SLIT1: variants seen among roughly 807,000 people sequenced by gnomAD.
SLIT1 encodes slit guidance ligand 1, also known as slit homolog 1 protein.
In SLIT1, 66 loss-of-function variants were observed where a neutral mutation model predicts 186.1. That is an observed-to-expected ratio of 0.35 (90% confidence interval 0.29 to 0.44). The LOEUF is 0.44. Ranked by LOEUF, SLIT1 falls within the 20% of genes least tolerant of loss-of-function variation. The pLI, the probability that SLIT1 is intolerant of heterozygous loss-of-function variation, is 1.00. For missense variants in SLIT1, 1,638 were observed against 2,037.4 expected, an observed-to-expected ratio of 0.80 and a Z score of 3.77; for synonymous variants, 761 against 833.8, an observed-to-expected ratio of 0.91 and a Z score of 1.50.
chr10:97,017,864 T>C (rs1458391089), intron 28 of SLIT1, among the ~76,000 whole-genome samples: 1 of 151,216 alleles, frequency 6.6e-6, no homozygotes, highest in East Asian at 1.9e-4. Flanking sequence ...TTTTTTTTTT[T>C]TGAGACAGAG....
chr10:97,019,026 T>A lies in SLIT1; in HGVS notation c.2828A>T (p.Asp943Val). 1 of 1,613,506 alleles carries A rather than the reference T, an allele frequency of 6.2e-7. No homozygotes were observed. Among genetic ancestry groups the A allele is most frequent in the Non-Finnish European group, 8.5e-7 (1 of 1,179,828 alleles). ...PCQNQGTCHN[D>V]PLEVYRCACP... Reference sequence around the variant, plus strand: ...GGCGCACCTGTACACCTCAAGGGGGTCGTTGTGGCAGGTGCCCTGGTTCTG... The same window carrying A: ...GGCGCACCTGTACACCTCAAGGGGGACGTTGTGGCAGGTGCCCTGGTTCTG... The change falls in exon 27 of 37, where the codon GAC becomes GTC. Residue 943 changes from aspartate to valine, a missense_variant. This residue lies in a region of SLIT1 where 1,245 missense variants were observed against 1,535.3 expected (regional missense o/e 0.81). Coordinates refer to ENST00000266058, the MANE Select transcript of SLIT1 (RefSeq NM_003061.3).
chr10:97,032,085 G>A (rs942922006), intron 23 of SLIT1, among the ~76,000 whole-genome samples: 1 of 152,230 alleles, frequency 6.6e-6, no homozygotes, highest in African/African-American at 2.4e-5. Context: ...TCCCTATGAA[G>A]GTGACACCTG....
intron 23 of SLIT1, 97 bp from the exon 24 acceptor site, chr10:97,031,774 A>T (rs917704214): frequency 6.4e-6 from 6 of 937,060 alleles, no homozygotes; most frequent in African/African-American, 4.9e-5. Flanking sequence ...CTCACCCAGC[A>T]GCCTCCTCGG....
intron 18 of SLIT1, among the ~76,000 whole-genome samples, chr10:97,044,569 G>T (rs951601054): frequency 6.6e-6 from 1 of 152,058 alleles, no homozygotes; most frequent in East Asian, 1.9e-4. Flanking sequence ...AGACACTTAT[G>T]CAATATTGAT....
chr10:97,102,945 A>G (rs1389255389), intron 4 of SLIT1: 1 of 152,252 alleles, frequency 6.6e-6, no homozygotes, highest in Non-Finnish European at 1.5e-5. Context: ...GCAAGTGCTC[A>G]GAGTCTGAGC....
At chr10:97,124,546 G>C (rs1849587599) in intron 4 of SLIT1, among the ~76,000 whole-genome samples, 1 of 152,186 alleles carries the variant, frequency 6.6e-6, no homozygotes, top group South Asian at 2.1e-4. Context: ...TGTACACTGG[G>C]GTGCGCACCC....
chr10:97,179,800 T>TCCCCCCCCCCCCCC (rs150754287), intron 1 of SLIT1, among the ~76,000 whole-genome samples: 6 of 126,362 alleles, frequency 4.7e-5, no homozygotes, highest in South Asian at 2.7e-4. Flanking sequence ...CTCCACACCC[T>TCCCCCCCCCCCCCC]CCCCGCCCCC....
At chr10:97,096,351 T>C (rs1849289181) in intron 4 of SLIT1, among the ~76,000 whole-genome samples, 2 of 152,118 alleles carry the variant, frequency 1.3e-5, no homozygotes, top group African/African-American at 4.8e-5. Flanking sequence ...AAACTAGGCT[T>C]GACATCCTCT....
At chr10:97,044,255 G>C (rs1018639089) in intron 18 of SLIT1, among the ~76,000 whole-genome samples, 1 of 152,166 alleles carries the variant, frequency 6.6e-6, no homozygotes, top group Non-Finnish European at 1.5e-5. Flanking sequence ...ACTTAGCCAG[G>C]CATGGTGGTG....
chr10:97,165,460 C>A (rs540894810), intron 1 of SLIT1, among the ~76,000 whole-genome samples: 9 of 152,124 alleles, frequency 5.9e-5, no homozygotes, highest in African/African-American at 2.2e-4. Flanking sequence ...ACTGAGGAAG[C>A]GGGACTCAAG....
At chr10:97,029,999 T>C (rs1209343628) in intron 25 of SLIT1, among the ~76,000 whole-genome samples, 1 of 152,248 alleles carries the variant, frequency 6.6e-6, no homozygotes, top group African/African-American at 2.4e-5. Flanking sequence ...ATTGTATGTA[T>C]GTAGTACGTT....
Position 97,084,731 on chromosome 10 carries a change from G to A in SLIT1, c.414-18645C>T, listed in dbSNP as rs529213646. Among the ~76,000 whole-genome samples the A allele has an allele frequency of 1.5e-4, 22 of 148,130 alleles. No individual in the cohort carries two copies. In the East Asian group the frequency reaches 2.4e-3, roughly 16 times the overall value. Reference sequence around the variant, plus strand: ...AGCAATTCTCATGCCTCAGCCTCCCGAGTAGCTGGGATTGCAGGCGAGTGC... The same window carrying A: ...AGCAATTCTCATGCCTCAGCCTCCCAAGTAGCTGGGATTGCAGGCGAGTGC... On this transcript the variant is annotated intron_variant, in intron 4 of 36. Coordinates refer to ENST00000266058, the MANE Select transcript of SLIT1 (RefSeq NM_003061.3).
Position 97,185,487 on chromosome 10 carries a change from G to A in SLIT1, c.188C>T (p.Thr63Ile), listed in dbSNP as rs1053431147. The A allele has an allele frequency of 7.4e-6, 12 of 1,611,792 alleles. No homozygotes were observed. The highest frequency in any genetic ancestry group is 1.3e-5 in the African/African-American group (1 of 74,872). ...CGGGGACCATACTCACAGGCGCTCG[G>A]TGTTCCGAGGTATATTCTTGGGAAT... The part of the protein sequence containing the change: ...QAIPKNIPRN[T>I]ERLELNGNNI... Residue 63 changes from threonine to isoleucine, a missense_variant, in exon 1 of 37, where the codon ACC becomes ATC. Thr to Ile is a moderately conservative substitution (Grantham distance 89, BLOSUM62 -1). This residue lies in a region of SLIT1 where 1,245 missense variants were observed against 1,535.3 expected (regional missense o/e 0.81). Coordinates refer to ENST00000266058, the MANE Select transcript of SLIT1 (RefSeq NM_003061.3).
intron 4 of SLIT1, among the ~76,000 whole-genome samples, chr10:97,137,546 T>C (rs1849714717): frequency 6.6e-6 from 1 of 152,130 alleles, no homozygotes; most frequent in South Asian, 2.1e-4. Flanking sequence ...CTTCCTTCCT[T>C]CCTTTCTTTC....
At chr10:97,020,433 C>T (rs1045977455) in intron 26 of SLIT1, among the ~76,000 whole-genome samples, 1 of 152,230 alleles carries the variant, frequency 6.6e-6, no homozygotes, top group Admixed American at 6.5e-5. Flanking sequence ...GCACCAATCC[C>T]ACCCCATTAA....
chr10:97,111,971 C>CA (rs1303905971), intron 4 of SLIT1, among the ~76,000 whole-genome samples: 1 of 152,260 alleles, frequency 6.6e-6, no homozygotes, highest in Non-Finnish European at 1.5e-5. Flanking sequence ...CCAAGCCCCT[C>CA]AGCAGAATGG....
At chr10:97,063,111 AC>A (rs1398163970) in intron 8 of SLIT1, among the ~76,000 whole-genome samples, 1 of 152,192 alleles carries the variant, frequency 6.6e-6, no homozygotes, top group African/African-American at 2.4e-5. Context: ...TCGGGGTGGA[AC>A]AAAGAGGGTG....
At chr10:97,002,414 A>AGCCCCACCTGACACAGCAC (rs1848319280) in intron 35 of SLIT1, 45 bp from the exon 36 acceptor site, 1 of 1,463,770 alleles carries the variant, frequency 6.8e-7, no homozygotes, top group African/African-American at 1.4e-5. Flanking sequence ...AACCCAGCCA[A>AGCCCCACCTGACACAGCAC]GCCCCACCTG....
At chr10:97,091,174 T>G (rs1849226866) in intron 4 of SLIT1, among the ~76,000 whole-genome samples, 1 of 152,266 alleles carries the variant, frequency 6.6e-6, no homozygotes, top group South Asian at 2.1e-4. Context: ...ATTTGATTTT[T>G]TCCATTTCAC....
Sources: allele counts gnomAD v4.1 joint callset (sites outside exome capture counted in the v4.1 genomes callset), GRCh38; gene constraint gnomAD v4.1.1; regional missense constraint gnomAD v4.1.1; transcripts MANE v1.5; gene names NCBI Gene and HGNC (gene_info 2026-07-23, HGNC 2026-07-21).